The following MCM6 variants were observed in gnomAD, a reference collection of about 807,000 sequenced individuals.
MCM6 encodes the protein DNA replication licensing factor MCM6.
MCM6 carries 46 observed loss-of-function variants against 94.3 expected under a neutral mutation model. That is an observed-to-expected ratio of 0.49 (90% CI 0.39 to 0.62). The LOEUF is 0.62. MCM6 is among the 20% of genes least tolerant of loss of function. The pLI, the probability that MCM6 is intolerant of heterozygous loss-of-function variation, is 0.00. For missense variants in MCM6, 865 were observed against 1,017.9 expected (o/e 0.85, Z 2.04); for synonymous variants, 335 against 351.9 (o/e 0.95, Z 0.54).
chr2:135,864,887 A>G, intron 7 of MCM6, 126 bp downstream of exon 7: 1 of 585,400 alleles, frequency 1.7e-6, no homozygotes, highest in Non-Finnish European at 2.7e-6. Context: ...CCTTTTGTAA[A>G]TGACCTCTTT....
intron 8 of MCM6, among the ~76,000 whole-genome samples, 160 bp downstream of exon 8, chr2:135,862,447 G>A (rs964549686): frequency 2.0e-5 from 3 of 152,180 alleles, no homozygotes; most frequent in African/African-American, 7.2e-5. Flanking sequence ...CTAAAAAATT[G>A]TACAATGTTG....
At chr2:135,860,705 C>T (rs1679974121) in intron 8 of MCM6, among the ~76,000 whole-genome samples, 1 of 152,106 alleles carries the variant, frequency 6.6e-6, no homozygotes, top group Non-Finnish European at 1.5e-5. Flanking sequence ...GGAGGTTTTC[C>T]TAAGTCTAAT....
chr2:135,873,805 T>C (rs1425804541), intron 1 of MCM6, among the ~76,000 whole-genome samples: 4 of 151,580 alleles, frequency 2.6e-5, no homozygotes, highest in African/African-American at 9.7e-5. Flanking sequence ...GAACAAGAAA[T>C]GTGCTAGGGG....
chr2:135,853,032 G>A (rs1679806412), intron 11 of MCM6, 117 bp from the exon 12 acceptor site: 1 of 769,618 alleles, frequency 1.3e-6, no homozygotes, highest in South Asian at 2.3e-5. Context: ...ACTTAAAGAA[G>A]TATTAATGGG....
intron 6 of MCM6, 49 bp from the exon 7 acceptor site, chr2:135,865,212 A>C (rs762078858): frequency 1.5e-6 from 2 of 1,311,882 alleles, no homozygotes; most frequent in African/African-American, 3.0e-5. Context: ...AGCAGTCAAA[A>C]GAGCATAAAG....
intron 11 of MCM6, among the ~76,000 whole-genome samples, chr2:135,856,399 T>C (rs1679893634): frequency 6.6e-6 from 1 of 152,128 alleles, no homozygotes; most frequent in African/African-American, 2.4e-5. Context: ...GCCAAGACTG[T>C]GCCACTGCAC....
Position 135,857,941 on chromosome 2 carries a change from C to T in MCM6, c.1426G>A (p.Ala476Thr), listed in dbSNP as rs1195564902. The T allele has an allele frequency of 1.9e-6, 3 of 1,614,038 alleles. No homozygotes were observed. Among genetic ancestry groups the T allele is most frequent in the South Asian group, 1.1e-5 (1 of 91,070 alleles). Residue 476 changes from alanine to threonine, a missense_variant, in exon 10 of 17, where the codon GCT becomes ACT. Physicochemically the swap from Ala to Thr is moderately conservative, Grantham distance 58. Transcript: ENST00000264156. ...DVRDQVAIHE[A>T]MEQQTISITK... ...ATGGATATGGTCTGCTGTTCCATAGCTTCATGAATAGCAACTTGATCCCGC... is the reference window on the plus strand; with the variant it reads ...ATGGATATGGTCTGCTGTTCCATAGTTTCATGAATAGCAACTTGATCCCGC...
chr2:135,862,176 A>C (rs929548791), intron 8 of MCM6, among the ~76,000 whole-genome samples: 1 of 152,134 alleles, frequency 6.6e-6, no homozygotes, highest in African/African-American at 2.4e-5. Context: ...ATGCGAAAAG[A>C]AACATGGAAA....
intron 15 of MCM6, 84 bp from the exon 16 acceptor site, chr2:135,844,768 A>C (rs559383317): frequency 2.2e-6 from 3 of 1,356,160 alleles, no homozygotes; most frequent in Admixed American, 2.7e-5. Context: ...ATACAACGAG[A>C]TAATGTACAG....
At chr2:135,870,423 T>C (rs1680179195) in intron 2 of MCM6, 62 bp from the exon 3 acceptor site, 6 of 1,094,028 alleles carry the variant, frequency 5.5e-6, no homozygotes, top group South Asian at 3.8e-5. Context: ...TCCCTTTACA[T>C]ACCTACCAAC....
intron 13 of MCM6, among the ~76,000 whole-genome samples, chr2:135,851,115 C>T (rs868825474): frequency 2.0e-5 from 3 of 152,192 alleles, no homozygotes; most frequent in Non-Finnish European, 4.4e-5. Flanking sequence ...CAGAGGCCTA[C>T]TAGTACATTG....
chr2:135,872,139 T>A (rs1403026712), intron 2 of MCM6, among the ~76,000 whole-genome samples: 2 of 152,010 alleles, frequency 1.3e-5, no homozygotes, highest in Non-Finnish European at 2.9e-5. Context: ...TCAACATTTG[T>A]ATTTGAAAAA....
chr2:135,856,594 C>A (rs1679896245), intron 11 of MCM6, 134 bp downstream of exon 11: 2 of 805,432 alleles, frequency 2.5e-6, no homozygotes, highest in Admixed American at 2.9e-5. Flanking sequence ...AACCCTTTGT[C>A]CGATCCTGTG....
At chr2:135,846,193 T>TA in intron 15 of MCM6, 44 bp downstream of exon 15, 1 of 1,604,850 alleles carries the variant, frequency 6.2e-7, no homozygotes, top group Non-Finnish European at 8.5e-7. Flanking sequence ...GAACAGAGCT[T>TA]ACAGAAGTGA....
chr2:135,853,497 T>C (rs546459829), intron 11 of MCM6, among the ~76,000 whole-genome samples: 21 of 152,264 alleles, frequency 1.4e-4, no homozygotes, highest in African/African-American at 4.6e-4. Flanking sequence ...CCTCAGTGTA[T>C]GAGACACTGT....
At chr2:135,875,866 G>A (rs1009789188) in intron 1 of MCM6, among the ~76,000 whole-genome samples, 1 of 152,244 alleles carries the variant, frequency 6.6e-6, no homozygotes, top group African/African-American at 2.4e-5. Flanking sequence ...GCACCGACGA[G>A]ATTCAATGGC....
chr2:135,851,442 CG>C lies in MCM6; in HGVS notation c.1876del (p.Arg626ValfsTer20). 1 of 1,613,744 alleles carries C rather than the reference CG, an allele frequency of 6.2e-7. No individual in the cohort carries two copies. The highest frequency in any genetic ancestry group is 1.7e-4 in the Middle Eastern group (1 of 6,058). On this transcript the variant is annotated frameshift_variant, in exon 13 of 17. Transcript: ENST00000264156. LOFTEE classifies it high-confidence loss of function. Reference sequence around the variant, plus strand: ...CATCCGAGCCATAGCTTCAGAGAGACGAATCATGCTCTCAAGCTGTCGCACT... The same window carrying C: ...CATCCGAGCCATAGCTTCAGAGAGACAATCATGCTCTCAAGCTGTCGCACT... Reference protein sequence around the residue: ...ITVRQLESMIRLSEAMARMHC... With the variant: ...ITVRQLESMIXLSEAMARMHC...
rs570529859 is a variant in MCM6 at position 135,844,656 on chromosome 2, G to A, written c.2238C>T (p.Ser746=). ...CCTTCAAGTACCAGTTAACAAGCTC[G>A]CTCCTCTTTAATGCTGACTCGTCCT... The part of the protein sequence containing the change: ...EEEDESALKR[S]ELVNWYLKEI... Residue 746 remains serine, a synonymous_variant, in exon 16 of 17, where the codon AGC becomes AGT. Transcript: ENST00000264156. 5.0e-6 allele frequency: 8 copies of A among 1,584,880 alleles called. No individual in the cohort carries two copies. The highest frequency in any genetic ancestry group is 1.7e-4 in the Middle Eastern group (1 of 6,024).
At chr2:135,860,792 TGAATGTTTTGCCCCTAAGATCA>T (rs1170353901) in intron 8 of MCM6, among the ~76,000 whole-genome samples, 2 of 152,208 alleles carry the variant, frequency 1.3e-5, no homozygotes, top group Non-Finnish European at 2.9e-5. Flanking sequence ...GGTGAAAGGC[TGAATGTTTTGCCCCTAAGATCA>T]GGAATAAGAC....
Sources: gnomAD v4.1 joint callset for allele counts (sites outside exome capture counted in the v4.1 genomes callset) on GRCh38, gnomAD v4.1.1 for gene constraint, MANE v1.5 for transcripts, NCBI Gene and HGNC (gene_info 2026-07-23, HGNC 2026-07-21) for gene names.